The following MLLT10 variants were observed in gnomAD, a reference collection of about 807,000 sequenced individuals.
MLLT10 encodes the protein MLLT10 histone lysine methyltransferase DOT1L cofactor, also known as protein AF-10.
A neutral mutation model predicts 129.1 loss-of-function variants in MLLT10; 30 were observed. The observed-to-expected ratio is 0.23, with a 90% CI of 0.17 to 0.32. The LOEUF (loss-of-function observed/expected upper bound fraction) is 0.32, where lower values mean the gene tolerates loss of function less well. Ranked by LOEUF, MLLT10 falls within the 10% of genes least tolerant of loss-of-function variation. The probability of loss-of-function intolerance (pLI) is 1.00; values close to 1 mark genes in which losing one functional copy is unlikely to be tolerated. For synonymous variants in MLLT10, 490 were observed against 446.4 expected, an observed-to-expected ratio of 1.10 and a Z score of -1.23; for missense variants, 1,119 against 1,268.3, an observed-to-expected ratio of 0.88 and a Z score of 1.79.
At chr10:21,605,107 G>T (rs1178853829) in intron 5 of MLLT10, among the ~76,000 whole-genome samples, 3 of 150,402 alleles carry the variant, frequency 2.0e-5, no homozygotes, top group East Asian at 3.9e-4. Flanking sequence ...AAAAAAGAAA[G>T]AAATATACCT....
At chr10:21,646,666 A>G (rs532203525) in intron 8 of MLLT10, among the ~76,000 whole-genome samples, 3 of 152,196 alleles carry the variant, frequency 2.0e-5, no homozygotes, top group East Asian at 3.9e-4. Context: ...TTGTATTGCT[A>G]ATTATACATA....
At chr10:21,564,036 TCTC>T (rs2131008740) in intron 3 of MLLT10, among the ~76,000 whole-genome samples, 1 of 152,180 alleles carries the variant, frequency 6.6e-6, no homozygotes, top group Admixed American at 6.5e-5. Context: ...ATGGTCTCGA[TCTC>T]CTAACCTCGT....
intron 13 of MLLT10, among the ~76,000 whole-genome samples, chr10:21,692,321 A>ATAGTAT (rs2053938509): frequency 6.6e-6 from 1 of 150,620 alleles, no homozygotes; most frequent in Admixed American, 6.6e-5. Context: ...CACAATGGTT[A>ATAGTAT]TATTATTATT....
In MLLT10 at chr10:21,562,539, T is replaced by C. The variant is rs1588952127; in HGVS notation, c.240+23627T>C. ...TTTTAGTAGAGACAGGGTTTTACCA[T>C]GTTGGCGAGGCTGGTTTCAAACTCC... On this transcript the variant is annotated intron_variant, in intron 3 of 22. Coordinates refer to ENST00000307729, the MANE Select transcript of MLLT10 (RefSeq NM_001195626.3). Among the ~76,000 whole-genome samples, 5 of 151,904 alleles carry C rather than the reference T, an allele frequency of 3.3e-5. 1 individual carries two copies. Among genetic ancestry groups the C allele is most frequent in the Admixed American group, 1.3e-4 (2 of 15,242 alleles).
chr10:21,581,181 G>A (rs1189160552), intron 3 of MLLT10, among the ~76,000 whole-genome samples: 1 of 151,684 alleles, frequency 6.6e-6, no homozygotes, highest in Non-Finnish European at 1.5e-5. Flanking sequence ...TAGTAGCTGG[G>A]ACTACAGGCG....
intron 3 of MLLT10, among the ~76,000 whole-genome samples, chr10:21,576,706 C>T (rs1390239259): frequency 1.3e-5 from 2 of 151,526 alleles, no homozygotes; most frequent in African/African-American, 2.4e-5. Flanking sequence ...TCTCGGCTCA[C>T]TGCAACCTCC....
intron 11 of MLLT10, among the ~76,000 whole-genome samples, chr10:21,677,621 C>T (rs1183090935): frequency 6.6e-6 from 1 of 152,130 alleles, no homozygotes; most frequent in Admixed American, 6.5e-5. Flanking sequence ...GAAAAAAAGT[C>T]TGTACACATT....
intron 14 of MLLT10, among the ~76,000 whole-genome samples, chr10:21,721,028 GA>G (rs1175891691): frequency 6.6e-6 from 1 of 152,124 alleles, no homozygotes; most frequent in African/African-American, 2.4e-5. Context: ...TTTTCCTCCT[GA>G]AAGTATATAC....
At chr10:21,650,129 C>T (rs12779532) in intron 8 of MLLT10, among the ~76,000 whole-genome samples, 3,558 of 151,976 alleles carry the variant, frequency 0.023, 80 homozygotes, top group Middle Eastern at 0.037. Flanking sequence ...CCCAGCTACT[C>T]GGGAGGCTGA....
At chr10:21,613,150 C>T (rs1209285063) in intron 6 of MLLT10, among the ~76,000 whole-genome samples, 3 of 139,920 alleles carry the variant, frequency 2.1e-5, no homozygotes, top group African/African-American at 8.2e-5. Context: ...ACCGAGATTG[C>T]GCCATTGAAC....
chr10:21,654,095 C>T (rs1216674030), intron 9 of MLLT10, among the ~76,000 whole-genome samples: 1 of 152,130 alleles, frequency 6.6e-6, no homozygotes, highest in African/African-American at 2.4e-5. Flanking sequence ...TAAGGACTAG[C>T]CCTTTTAGTC....
intron 14 of MLLT10, among the ~76,000 whole-genome samples, chr10:21,722,947 T>C (rs1414968705): frequency 6.6e-6 from 1 of 152,178 alleles, no homozygotes; most frequent in Non-Finnish European, 1.5e-5. Context: ...CCAAAATGAC[T>C]CTATCTGGTA....
intron 13 of MLLT10, among the ~76,000 whole-genome samples, chr10:21,709,482 C>T (rs931370615): frequency 4.6e-5 from 7 of 152,164 alleles, no homozygotes; most frequent in Non-Finnish European, 8.8e-5. Flanking sequence ...CCACCTGCCT[C>T]GGCCTTCCGA....
intron 14 of MLLT10, among the ~76,000 whole-genome samples, chr10:21,716,611 T>C (rs1351488382): frequency 6.6e-6 from 1 of 151,830 alleles, no homozygotes; most frequent in African/African-American, 2.4e-5. Flanking sequence ...GGAGAATTGC[T>C]TGAACATGGG....
intron 3 of MLLT10, among the ~76,000 whole-genome samples, chr10:21,585,717 C>CT (rs1013034561): frequency 5.3e-5 from 8 of 152,082 alleles, no homozygotes; most frequent in African/African-American, 1.7e-4. Flanking sequence ...ATCCCAGCAT[C>CT]TTTGTGTTTT....
intron 13 of MLLT10, among the ~76,000 whole-genome samples, chr10:21,707,689 G>C (rs920382157): frequency 6.6e-6 from 1 of 152,178 alleles, no homozygotes; most frequent in South Asian, 2.1e-4. Context: ...TAAAAAGTGA[G>C]TCATACTATT....
intron 8 of MLLT10, among the ~76,000 whole-genome samples, chr10:21,638,836 C>T (rs1227780057): frequency 6.6e-6 from 1 of 152,048 alleles, no homozygotes; most frequent in African/African-American, 2.4e-5. Context: ...AGCTGACTGC[C>T]AGATTGGTGA....
intron 8 of MLLT10, chr10:21,624,765 C>G: frequency 1.7e-6 from 2 of 1,147,728 alleles, no homozygotes; most frequent in Non-Finnish European, 2.6e-6. Flanking sequence ...TTGTAAGCAT[C>G]TGCCTTCTCT....
At chr10:21,604,914 T>C (rs951874960) in intron 5 of MLLT10, among the ~76,000 whole-genome samples, 1 of 151,936 alleles carries the variant, frequency 6.6e-6, no homozygotes, top group African/African-American at 2.4e-5. Flanking sequence ...TTTTTTTATT[T>C]CTACCTTTTT....
Sources: allele counts gnomAD v4.1 joint callset (sites outside exome capture counted in the v4.1 genomes callset), GRCh38; gene constraint gnomAD v4.1.1; transcripts MANE v1.5; gene names NCBI Gene and HGNC (gene_info 2026-07-23, HGNC 2026-07-21).